LRMDA: variants seen among roughly 807,000 people sequenced by gnomAD.
The protein encoded by LRMDA is leucine-rich melanocyte differentiation-associated protein.
A neutral mutation model predicts 29.8 loss-of-function variants in LRMDA; 18 were observed. The ratio of observed to expected loss-of-function variants is 0.60; its 90% CI spans 0.42 to 0.90. The LOEUF is 0.90. Among genes scored for constraint, LRMDA ranks in the 40% least tolerant of loss-of-function variants. The pLI is 0.00. For missense variants in LRMDA, 273 were observed against 273.9 expected, an observed-to-expected ratio of 1.00 and a Z score of 0.02; for synonymous variants, 125 against 109.4, an observed-to-expected ratio of 1.14 and a Z score of -0.89.
chr10:75,828,345 T>C lies in LRMDA; in HGVS notation c.132-207663T>C, dbSNP rs578041699. Among the ~76,000 whole-genome samples the C allele has an allele frequency of 1.5e-3, 228 of 152,352 alleles. 1 individual carries two copies. Among genetic ancestry groups the C allele is most frequent in the African/African-American group, 5.1e-3 (211 of 41,578 alleles). On this transcript the variant is annotated intron_variant, in intron 2 of 6. Transcript: ENST00000611255. ...ACCAGGTCCAATTTTATAATTTTCCTATTTTATTTAGCAGGCATTTTCTTT... is the reference window on the plus strand; with the variant it reads ...ACCAGGTCCAATTTTATAATTTTCCCATTTTATTTAGCAGGCATTTTCTTT...
At chr10:76,236,130 G>A (rs1407487687) in intron 5 of LRMDA, among the ~76,000 whole-genome samples, 3 of 152,150 alleles carry the variant, frequency 2.0e-5, no homozygotes, top group Admixed American at 6.5e-5. Context: ...AGGGGCAGAG[G>A]CAGGTTAGAA....
chr10:75,717,823 A>G (rs1353890611), intron 2 of LRMDA, among the ~76,000 whole-genome samples: 1 of 152,188 alleles, frequency 6.6e-6, no homozygotes, highest in East Asian at 1.9e-4. Flanking sequence ...TTCTTTGTTC[A>G]TTATATAGTC....
intron 2 of LRMDA, among the ~76,000 whole-genome samples, chr10:75,514,200 C>G (rs1416170309): frequency 1.3e-5 from 2 of 150,200 alleles, no homozygotes; most frequent in African/African-American, 4.9e-5. Flanking sequence ...TTCTTGGTTC[C>G]CAAGAGAAGA....
chr10:75,544,746 G>A (rs1377648979), intron 2 of LRMDA, among the ~76,000 whole-genome samples: 1 of 152,010 alleles, frequency 6.6e-6, no homozygotes, highest in Non-Finnish European at 1.5e-5. Context: ...TCATTTTAAG[G>A]AGAAACAATC....
chr10:76,410,668 T>C (rs996511878), intron 6 of LRMDA, among the ~76,000 whole-genome samples: 1 of 151,944 alleles, frequency 6.6e-6, no homozygotes, highest in African/African-American at 2.4e-5. Flanking sequence ...ATTACAAAGA[T>C]CATTCTGGCT....
rs1287438725 is a variant in LRMDA at position 75,998,338 on chromosome 10, C to T, written c.132-37670C>T. On this transcript the variant is annotated intron_variant, in intron 2 of 6. Coordinates refer to ENST00000611255, the MANE Select transcript of LRMDA (RefSeq NM_001305581.2). ...TGACTTACTTCCCATTGTTTTTGTACGCAGTGGGCACCTAATAAGTAATCG... is the reference window on the plus strand; with the variant it reads ...TGACTTACTTCCCATTGTTTTTGTATGCAGTGGGCACCTAATAAGTAATCG... Among the ~76,000 whole-genome samples the T allele has an allele frequency of 9.2e-5, 14 of 152,228 alleles. No individual in the cohort carries two copies. The East Asian group carries it at 9.7e-4, about 10-fold the overall frequency.
At chr10:76,494,761 G>T (rs1842866153) in intron 6 of LRMDA, among the ~76,000 whole-genome samples, 1 of 151,710 alleles carries the variant, frequency 6.6e-6, no homozygotes, top group Admixed American at 6.6e-5. Context: ...TTTGCTCTGA[G>T]TAATTTTTGT....
At position 76,557,543 on chromosome 10, in the gene LRMDA, C is replaced by T. The variant is rs190485511; in HGVS notation, c.*255C>T. On this transcript the variant is annotated 3_prime_UTR_variant, in exon 7 of 7. Transcript: ENST00000611255. ...TCTCATCCACCAGGGTGACAGACAG[C>T]GGTGGCAAAGCAACAGGGCTGACAG... 437 of 533,194 alleles carry T rather than the reference C, an allele frequency of 8.2e-4. 1 individual carries two copies. The highest frequency in any genetic ancestry group is 7.7e-3 in the African/African-American group (405 of 52,622). The allele number at this position is 533,194 out of a possible 1,614,324, so 33.0% of individuals were successfully genotyped here.
chr10:76,549,202 C>G (rs1843458415), intron 6 of LRMDA, among the ~76,000 whole-genome samples: 2 of 152,132 alleles, frequency 1.3e-5, no homozygotes, highest in African/African-American at 4.8e-5. Context: ...CGACAATGAG[C>G]CTGCCCACTC....
In LRMDA at chr10:76,560,145, A is replaced by T. The variant is rs527957106; in HGVS notation, c.*2857A>T. 1 of 152,254 alleles carries T rather than the reference A, an allele frequency of 6.6e-6. No homozygotes were observed. The highest frequency in any genetic ancestry group is 2.1e-4 in the South Asian group (1 of 4,824). The allele number at this position is 152,254 out of a possible 1,614,324, so 9.4% of individuals were successfully genotyped here. A position where few individuals can be genotyped will look rare whatever the true frequency, so the allele number is the denominator to read the frequency against. The stretch of plus-strand genomic sequence containing the variant: ...TGTTTTCACATACTCATGTATACTA[A>T]GGAATAAAAGAAAGCAAACCACAGA... On this transcript the variant is annotated 3_prime_UTR_variant, in exon 7 of 7. Transcript: ENST00000611255.
chr10:76,201,165 C>T lies in LRMDA; in HGVS notation c.517-123236C>T, dbSNP rs549842737. 4.7e-5 allele frequency among the ~76,000 whole-genome samples: 7 copies of T among 149,980 alleles called. No homozygotes were observed. The South Asian group carries it at 1.3e-3, about 27-fold the overall frequency. Reference sequence around the variant, plus strand: ...AGGCTGGAGTGCAATAGTGTGATCTCGGCTCCCCGTAACCTCTACCTCCTG... The same window carrying T: ...AGGCTGGAGTGCAATAGTGTGATCTTGGCTCCCCGTAACCTCTACCTCCTG... On this transcript the variant is annotated intron_variant, in intron 5 of 6. Transcript: ENST00000611255.
intron 5 of LRMDA, among the ~76,000 whole-genome samples, chr10:76,130,073 A>G (rs569631838): frequency 5.9e-5 from 9 of 151,748 alleles, no homozygotes; most frequent in African/African-American, 2.2e-4. Flanking sequence ...AATATTAACT[A>G]TTAATATAAT....
At chr10:76,009,001 AG>A (rs979528311) in intron 2 of LRMDA, among the ~76,000 whole-genome samples, 6 of 152,180 alleles carry the variant, frequency 3.9e-5, no homozygotes, top group Non-Finnish European at 7.4e-5. Context: ...TACTGCAGGG[AG>A]CAGAAGTGAT....
intron 6 of LRMDA, among the ~76,000 whole-genome samples, chr10:76,495,721 T>C (rs1589215313): frequency 2.6e-5 from 4 of 151,978 alleles, no homozygotes; most frequent in Admixed American, 2.0e-4. Flanking sequence ...ACAAATTGTA[T>C]ATATACTTTA....
chr10:75,865,904 G>A (rs1043360071), intron 2 of LRMDA, among the ~76,000 whole-genome samples: 1 of 152,174 alleles, frequency 6.6e-6, no homozygotes, highest in African/African-American at 2.4e-5. Flanking sequence ...TGTATTTTTA[G>A]TCCTAAAGAG....
At position 76,013,793 on chromosome 10, in the gene LRMDA, G is replaced by A. The variant is rs550041703; in HGVS notation, c.132-22215G>A. 3.2e-4 allele frequency among the ~76,000 whole-genome samples: 48 copies of A among 151,966 alleles called. No homozygotes were observed. The South Asian group carries it at 5.8e-3, about 18-fold the overall frequency. ...TTCCTTTCAGAATGGATTAGGCTGG[G>A]GCAAGGGCTGTTAGCAGACCCCATT... On this transcript the variant is annotated intron_variant, in intron 2 of 6. Coordinates refer to ENST00000611255, the MANE Select transcript of LRMDA (RefSeq NM_001305581.2).
At chr10:75,644,718 T>A (rs1841494531) in intron 2 of LRMDA, among the ~76,000 whole-genome samples, 1 of 152,184 alleles carries the variant, frequency 6.6e-6, no homozygotes, top group African/African-American at 2.4e-5. Flanking sequence ...ACTGGCCCTC[T>A]TCTATCCACT....
chr10:76,505,734 A>G (rs1260289408), intron 6 of LRMDA, among the ~76,000 whole-genome samples: 1 of 152,138 alleles, frequency 6.6e-6, no homozygotes, highest in African/African-American at 2.4e-5. Flanking sequence ...CTTCCTTGCC[A>G]TCCACAATGA....
chr10:76,114,309 G>A (rs1395623988), intron 5 of LRMDA, among the ~76,000 whole-genome samples: 2 of 152,352 alleles, frequency 1.3e-5, no homozygotes, highest in African/African-American at 4.8e-5. Context: ...TGTAATGAAA[G>A]ATAGTGTTTC....
Sources: gnomAD v4.1 joint callset for allele counts (sites outside exome capture counted in the v4.1 genomes callset) on GRCh38, gnomAD v4.1.1 for gene constraint, MANE v1.5 for transcripts, NCBI Gene and HGNC (gene_info 2026-07-23, HGNC 2026-07-21) for gene names.